The following PKP2 variants were observed in gnomAD, a reference collection of about 807,000 sequenced individuals.
PKP2 encodes plakophilin-2.
A neutral mutation model predicts 83.4 loss-of-function variants in PKP2; 73 were observed. The ratio of observed to expected loss-of-function variants is 0.88; its 90% CI spans 0.72 to 1.06. The LOEUF (loss-of-function observed/expected upper bound fraction) is 1.06, where lower values mean the gene tolerates loss of function less well. Among genes scored for constraint, PKP2 ranks in the 50% least tolerant of loss-of-function variants. PKP2 has a pLI of 0.00. For missense variants in PKP2, 966 were observed against 1,065.4 expected (o/e 0.91, Z 1.30); for synonymous variants, 409 against 430.4 (o/e 0.95, Z 0.62).
chr12:32,829,194 G>C (rs1451035867), intron 6 of PKP2, among the ~76,000 whole-genome samples: 1 of 151,772 alleles, frequency 6.6e-6, no homozygotes, highest in African/African-American at 2.4e-5. Context: ...CCAAAGTGCT[G>C]GGATTACAGG....
intron 9 of PKP2, among the ~76,000 whole-genome samples, chr12:32,807,427 A>G (rs1425443965): frequency 6.6e-6 from 1 of 152,134 alleles, no homozygotes; most frequent in Admixed American, 6.5e-5. Context: ...GTGTCTTTGC[A>G]TGTGAGATGG....
chr12:32,824,023 G>T, intron 7 of PKP2, 22 bp downstream of exon 7: 2 of 1,356,982 alleles, frequency 1.5e-6, no homozygotes, highest in South Asian at 2.3e-5. Context: ...AGACAAAACA[G>T]GATATTTATC....
At chr12:32,798,889 A>G (rs1956154474) in intron 10 of PKP2, among the ~76,000 whole-genome samples, 1 of 152,200 alleles carries the variant, frequency 6.6e-6, no homozygotes, top group Non-Finnish European at 1.5e-5. Context: ...CCAAAAGCAA[A>G]TGCAACAAAA....
intron 10 of PKP2, among the ~76,000 whole-genome samples, chr12:32,798,567 C>A (rs1009252045): frequency 1.3e-5 from 2 of 150,992 alleles, no homozygotes; most frequent in African/African-American, 4.9e-5. Flanking sequence ...GATACATAGA[C>A]CAATGGAATA....
chr12:32,841,563 G>A (rs552967084), intron 5 of PKP2, among the ~76,000 whole-genome samples: 8 of 152,266 alleles, frequency 5.3e-5, no homozygotes, highest in African/African-American at 1.9e-4. Flanking sequence ...TCACCAATAG[G>A]CAGGCTTAAA....
chr12:32,893,558 T>C (rs2138000949), intron 1 of PKP2: 1 of 152,346 alleles, frequency 6.6e-6, no homozygotes, highest in Middle Eastern at 3.4e-3. Flanking sequence ...GCTGAGGCTT[T>C]AAAGTAAGTA....
At position 32,792,228 on chromosome 12, in the gene PKP2, T is replaced by C. The variant is rs1956074576; in HGVS notation, c.*196A>G. The stretch of plus-strand genomic sequence containing the variant: ...ATTTGTCGAGCCTGTGGCCGGTATC[T>C]ACTGGTGGCAAACTTGCAAAGGTCT... On this transcript the variant is annotated 3_prime_UTR_variant, in exon 13 of 13. Coordinates refer to ENST00000340811, the MANE Select transcript of PKP2 (RefSeq NM_001005242.3). The C allele has an allele frequency of 1.3e-5, 8 of 632,364 alleles. No homozygotes were observed. The Admixed American group carries it at 2.0e-4, about 16-fold the overall frequency. 39.2% of individuals were successfully genotyped at this position (632,364 alleles called of 1,614,324 possible).
intron 9 of PKP2, among the ~76,000 whole-genome samples, chr12:32,815,135 C>T (rs981965808): frequency 4.6e-5 from 7 of 152,266 alleles, no homozygotes; most frequent in Admixed American, 3.9e-4. Context: ...CTCAATGTTG[C>T]TAGTAAACTT....
At chr12:32,808,864 T>C (rs1956250270) in intron 9 of PKP2, among the ~76,000 whole-genome samples, 1 of 152,176 alleles carries the variant, frequency 6.6e-6, no homozygotes, top group Non-Finnish European at 1.5e-5. Flanking sequence ...CAGTGAAGGC[T>C]GTGAAGCAGC....
chr12:32,812,105 T>C (rs1055883279), intron 9 of PKP2, among the ~76,000 whole-genome samples: 2 of 126,860 alleles, frequency 1.6e-5, no homozygotes, highest in Admixed American at 1.8e-4. Context: ...TGAAGGGAGC[T>C]GGGAGGGTTT....
At chr12:32,825,488 C>T (rs1045660880) in intron 6 of PKP2, among the ~76,000 whole-genome samples, 2 of 152,072 alleles carry the variant, frequency 1.3e-5, no homozygotes, top group African/African-American at 4.8e-5. Context: ...GTTTCTTTTA[C>T]TGGTAGGTAG....
intron 7 of PKP2, among the ~76,000 whole-genome samples, chr12:32,822,908 C>T (rs1461449012): frequency 6.6e-6 from 1 of 152,074 alleles, no homozygotes; most frequent in Non-Finnish European, 1.5e-5. Context: ...AGATACGTAA[C>T]TTACTAGCCA....
chr12:32,865,257 C>T (rs1470431928), intron 4 of PKP2, among the ~76,000 whole-genome samples: 1 of 151,734 alleles, frequency 6.6e-6, no homozygotes, highest in African/African-American at 2.4e-5. Context: ...TGCCTGTAAT[C>T]CCAGCTCTTC....
rs780158555 is a variant in PKP2, at chr12:32,850,996, T to G, written c.1171-23A>C. On this transcript the variant is annotated intron_variant, in intron 4 of 12. Coordinates refer to ENST00000340811, the MANE Select transcript of PKP2 (RefSeq NM_001005242.3). ...AACCTGGGGAAGAAGCAGATGCATATTTCTAATATTAATTTTGATGTGGCA... is the reference window on the plus strand; with the variant it reads ...AACCTGGGGAAGAAGCAGATGCATAGTTCTAATATTAATTTTGATGTGGCA... 4.4e-6 allele frequency: 7 copies of G among 1,591,248 alleles called. No homozygotes were observed. The Admixed American group carries it at 1.0e-4, about 23-fold the overall frequency.
Position 32,868,873 on chromosome 12 carries a change from A to G in PKP2, c.1170+54T>C, listed in dbSNP as rs1337426523. The G allele has an allele frequency of 3.8e-6, 6 of 1,575,360 alleles. No individual in the cohort carries two copies. In the South Asian group the frequency reaches 4.4e-5, roughly 12 times the overall value. On this transcript the variant is annotated intron_variant, in intron 4 of 12. Coordinates refer to ENST00000340811, the MANE Select transcript of PKP2 (RefSeq NM_001005242.3). ...ATTGGTTTCAGTGTGCAAAGTCACCATAATAGAAGTGAAAGTGTGTTGCGC... is the reference window on the plus strand; with the variant it reads ...ATTGGTTTCAGTGTGCAAAGTCACCGTAATAGAAGTGAAAGTGTGTTGCGC...
At chr12:32,851,915 C>T (rs764344193) in intron 4 of PKP2, among the ~76,000 whole-genome samples, 31 of 152,070 alleles carry the variant, frequency 2.0e-4, no homozygotes, top group Non-Finnish European at 3.2e-4. Flanking sequence ...CGTAAGAAAG[C>T]GCATGCTATT....
Position 32,792,712 on chromosome 12 carries a change from T to G in PKP2, c.2377A>C (p.Ser793Arg). ...TACAGAAGGACGGAAGCAGCTTTAC[T>G]TGCTTTGTTGGAGGCATAGCTGAAA... is the stretch of plus-strand genomic sequence containing the variant. ...AGDAYASNKASKAASVLLYSL... is the reference protein window; with the variant it reads ...AGDAYASNKARKAASVLLYSL... The change falls in exon 12 of 13, where the codon AGT becomes CGT. Residue 793 changes from serine to arginine, a missense_variant. By Grantham distance (110) the Ser-to-Arg change is moderately radical. Transcript: ENST00000340811. 1 of 1,614,106 alleles carries G rather than the reference T, an allele frequency of 6.2e-7. No individual in the cohort carries two copies. The highest frequency in any genetic ancestry group is 8.5e-7 in the Non-Finnish European group (1 of 1,179,968).
chr12:32,821,898 A>C (rs1400734286), intron 8 of PKP2: 13 of 292,286 alleles, frequency 4.4e-5, no homozygotes, highest in Non-Finnish European at 3.3e-5. Context: ...GAGTCTTGTG[A>C]AAGTGTCCAG....
At chr12:32,822,364 T>C in intron 8 of PKP2, 103 bp downstream of exon 8, 2 of 957,922 alleles carry the variant, frequency 2.1e-6, no homozygotes, top group South Asian at 2.6e-5. Flanking sequence ...TAACTTAAAA[T>C]AGTGCCGATA....
Sources: gnomAD v4.1 joint callset for allele counts (sites outside exome capture counted in the v4.1 genomes callset) on GRCh38, gnomAD v4.1.1 for gene constraint, MANE v1.5 for transcripts, NCBI Gene and HGNC (gene_info 2026-07-23, HGNC 2026-07-21) for gene names.